The following GLYATL2 variants were observed in gnomAD, a reference collection of about 807,000 sequenced individuals.
GLYATL2 encodes the protein glycine N-acyltransferase-like protein 2.
A neutral mutation model predicts 21.4 loss-of-function variants in GLYATL2; 25 were observed. That is an observed-to-expected ratio of 1.17 (90% CI 0.85 to 1.63). The LOEUF (loss-of-function observed/expected upper bound fraction) is 1.63, where lower values mean the gene tolerates loss of function less well. Ranked by LOEUF, GLYATL2 falls within the 40% of genes most tolerant of loss-of-function variation. The probability of loss-of-function intolerance (pLI) is 0.00; values close to 1 mark genes in which losing one functional copy is unlikely to be tolerated. For synonymous variants in GLYATL2, 114 were observed against 118.2 expected (o/e 0.96, Z 0.23); for missense variants, 361 against 343.3 (o/e 1.05, Z -0.41).
chr11:58,879,778 G>T (rs576968883), intron 1 of GLYATL2, among the ~76,000 whole-genome samples: 2 of 152,056 alleles, frequency 1.3e-5, no homozygotes, highest in East Asian at 3.9e-4. Context: ...CATTGTGAAT[G>T]TACGTTGTGA....
In GLYATL2 at chr11:58,837,136, T is replaced by C. The variant is rs1853447400; in HGVS notation, c.355A>G (p.Thr119Ala). 3.7e-6 allele frequency: 6 copies of C among 1,613,882 alleles called. No individual in the cohort carries two copies. The South Asian group carries it at 6.6e-5, about 18-fold the overall frequency. Residue 119 changes from threonine (T) to alanine (A), a missense_variant, in exon 5 of 6, where the codon ACT becomes GCT. By Grantham distance (58) the Thr-to-Ala change is moderately conservative. Transcript: ENST00000287275. ...TAATCTACCTGCACTGATTTTGAAG[T>C]TGCAACCTTTCTTATTGCTTCATCC... is the stretch of plus-strand genomic sequence containing the variant. ...GLDEAIRKVA[T>A]SKSVQVDYMK... is the part of the protein sequence containing the mutation.
chr11:58,874,360 A>T (rs1369357465), intron 1 of GLYATL2, among the ~76,000 whole-genome samples: 2 of 151,940 alleles, frequency 1.3e-5, no homozygotes, highest in Non-Finnish European at 2.9e-5. Context: ...TTGCTTCTCT[A>T]GTTCTTTTAA....
intron 1 of GLYATL2, among the ~76,000 whole-genome samples, chr11:58,877,971 T>A (rs1449218426): frequency 6.6e-6 from 1 of 152,226 alleles, no homozygotes; most frequent in Non-Finnish European, 1.5e-5. Flanking sequence ...ACTTGAATGT[T>A]GGCCAATCCC....
intron 1 of GLYATL2, among the ~76,000 whole-genome samples, chr11:58,850,681 C>T (rs1230052216): frequency 6.6e-6 from 1 of 152,028 alleles, no homozygotes; most frequent in Non-Finnish European, 1.5e-5. Flanking sequence ...ACCAAGTGGA[C>T]ATGGTCTAGC....
intron 1 of GLYATL2, among the ~76,000 whole-genome samples, chr11:58,899,303 C>A (rs995046049): frequency 6.6e-6 from 1 of 152,122 alleles, no homozygotes; most frequent in African/African-American, 2.4e-5. Context: ...AAAGCTGTCT[C>A]CCTCCACTCC....
upstream of GLYATL2, among the ~76,000 whole-genome samples, chr11:58,848,093 A>G (rs1170088571): frequency 6.7e-6 from 1 of 149,346 alleles, no homozygotes; most frequent in Non-Finnish European, 1.5e-5. Flanking sequence ...CTTCTCCAAG[A>G]CTATTGAGGC....
At chr11:58,837,432 G>A (rs771026126) in intron 3 of GLYATL2, 35 bp from the exon 4 acceptor site, 40 of 1,592,434 alleles carry the variant, frequency 2.5e-5, no homozygotes, top group African/African-American at 4.0e-5. Context: ...TTTACATAGC[G>A]CTACAATTTA....
intron 1 of GLYATL2, among the ~76,000 whole-genome samples, chr11:58,858,448 G>A (rs1174994272): frequency 1.5e-5 from 2 of 131,672 alleles, no homozygotes; most frequent in African/African-American, 2.7e-5. Flanking sequence ...TTCTGTTAAA[G>A]ATGAAGAATT....
chr11:58,895,562 T>G (rs1854620473), intron 1 of GLYATL2, among the ~76,000 whole-genome samples: 2 of 152,286 alleles, frequency 1.3e-5, no homozygotes, highest in Non-Finnish European at 2.9e-5. Flanking sequence ...TGTCTCTAAG[T>G]CTAGAGGCTC....
chr11:58,841,429 G>T (rs138939409), intron 1 of GLYATL2, among the ~76,000 whole-genome samples: 1 of 152,272 alleles, frequency 6.6e-6, no homozygotes, highest in African/African-American at 2.4e-5. Context: ...TTTGTAGGTT[G>T]TCATGAGGAT....
intron 1 of GLYATL2, among the ~76,000 whole-genome samples, chr11:58,884,333 A>C (rs1449308922): frequency 1.3e-5 from 2 of 152,174 alleles, no homozygotes; most frequent in African/African-American, 4.8e-5. Context: ...CTCAGGGAAA[A>C]ATCTTAAGCT....
intron 1 of GLYATL2, among the ~76,000 whole-genome samples, chr11:58,852,887 G>A (rs1254372579): frequency 6.6e-6 from 1 of 152,176 alleles, no homozygotes; most frequent in African/African-American, 2.4e-5. Context: ...CAAGCTGAGT[G>A]CTAAGGTCTT....
chr11:58,888,163 G>A (rs560190678), intron 1 of GLYATL2, among the ~76,000 whole-genome samples: 1 of 152,158 alleles, frequency 6.6e-6, no homozygotes, highest in South Asian at 2.1e-4. Flanking sequence ...TTTTTACACT[G>A]GGGTTTTGTG....
rs887340154 is a variant in GLYATL2 at position 58,839,779 on chromosome 11, G to A, written c.-40-127C>T. 7 of 455,408 alleles carry A rather than the reference G, an allele frequency of 1.5e-5. No individual in the cohort carries two copies. The Admixed American group carries it at 2.2e-4, about 15-fold the overall frequency. The allele number at this position is 455,408 out of a possible 1,614,324, so 28.2% of individuals were successfully genotyped here. On this transcript the variant is annotated intron_variant, in intron 1 of 5. Coordinates refer to ENST00000287275, the MANE Select transcript of GLYATL2 (RefSeq NM_145016.4). Reference sequence around the variant, plus strand: ...AGTGATGGGCTTTAGAAATTATCTAGTCCAAACTTTTCAGTTTACAAATGA... The same window carrying A: ...AGTGATGGGCTTTAGAAATTATCTAATCCAAACTTTTCAGTTTACAAATGA...
chr11:58,867,334 G>A (rs1046336524), intron 1 of GLYATL2, among the ~76,000 whole-genome samples: 1 of 149,120 alleles, frequency 6.7e-6, no homozygotes. Context: ...TTAATTCAGG[G>A]TGGACTCTTG....
chr11:58,881,411 C>T (rs1854331879), intron 1 of GLYATL2, among the ~76,000 whole-genome samples: 1 of 152,148 alleles, frequency 6.6e-6, no homozygotes, highest in African/African-American at 2.4e-5. Context: ...AATGTTATTT[C>T]AACGGAAGTT....
intron 1 of GLYATL2, among the ~76,000 whole-genome samples, chr11:58,883,472 A>G (rs1435306693): frequency 6.6e-6 from 1 of 152,212 alleles, no homozygotes; most frequent in African/African-American, 2.4e-5. Context: ...TCTAGAAGAA[A>G]TGGATAAATT....
intron 1 of GLYATL2, among the ~76,000 whole-genome samples, chr11:58,880,114 T>C (rs1590743577): frequency 6.6e-6 from 1 of 152,154 alleles, no homozygotes; most frequent in Admixed American, 6.5e-5. Flanking sequence ...CACCTCGGCC[T>C]CCCAAAGTGC....
At chr11:58,873,386 A>C (rs1439801071) in intron 1 of GLYATL2, among the ~76,000 whole-genome samples, 1 of 152,160 alleles carries the variant, frequency 6.6e-6, no homozygotes, top group South Asian at 2.1e-4. Flanking sequence ...GAATGCTTCC[A>C]GTTTTTGTCC....
Sources: allele counts gnomAD v4.1 joint callset (sites outside exome capture counted in the v4.1 genomes callset), GRCh38; gene constraint gnomAD v4.1.1; transcripts MANE v1.5; gene names NCBI Gene and HGNC (gene_info 2026-07-23, HGNC 2026-07-21).